Variants in PTCHD1 observed in about 807,000 individuals in gnomAD.
PTCHD1 encodes the protein patched domain-containing protein 1.
In PTCHD1, 3 loss-of-function variants were observed where a neutral mutation model predicts 34.6. That is an observed-to-expected ratio of 0.09 (90% CI 0.04 to 0.22). PTCHD1 has a LOEUF of 0.22. PTCHD1 is among the 10% of genes least tolerant of loss of function. PTCHD1 has a pLI of 1.00. For missense variants in PTCHD1, 504 were observed against 685.5 expected, an observed-to-expected ratio of 0.74 and a Z score of 2.96; for synonymous variants, 305 against 283.1, an observed-to-expected ratio of 1.08 and a Z score of -0.77.
At chrX:23,352,117 A>G (rs1375494053) in intron 1 of PTCHD1, among the ~76,000 whole-genome samples, 1 of 112,101 alleles carries the variant, frequency 8.9e-6, no homozygotes, top group Non-Finnish European at 1.9e-5. Context: ...AGAGAGAGCC[A>G]TGGGCCTTGA....
chrX:23,360,978 C>T lies in PTCHD1; in HGVS notation c.352-18613C>T, dbSNP rs867370150. On this transcript the variant is annotated intron_variant, in intron 1 of 2. Coordinates refer to ENST00000379361, the MANE Select transcript of PTCHD1 (RefSeq NM_173495.3). ...GTGGTTTTGAGTGAGTTTCTTAATCCTGAGTTTTAATTTGATTGCACTGTG... is the reference window on the plus strand; with the variant it reads ...GTGGTTTTGAGTGAGTTTCTTAATCTTGAGTTTTAATTTGATTGCACTGTG... 3.6e-5 allele frequency among the ~76,000 whole-genome samples: 4 copies of T among 112,101 alleles called. No individual in the cohort carries two copies. In the South Asian group the frequency reaches 1.5e-3, roughly 42 times the overall value.
rs972562369 is a variant in PTCHD1 at position 23,394,371 on chromosome X, A to C, written c.*186A>C. 1.6e-4 allele frequency: 63 copies of C among 396,366 alleles called. No homozygotes were observed. The highest frequency in any genetic ancestry group is 2.7e-4 in the Non-Finnish European group (62 of 230,005). The allele number at this position is 396,366 out of a possible 1,213,427, so 32.7% of individuals were successfully genotyped here. On this transcript the variant is annotated 3_prime_UTR_variant, in exon 3 of 3. Coordinates refer to ENST00000379361, the MANE Select transcript of PTCHD1 (RefSeq NM_173495.3). ...TGGGCCTGGCATATTTTCAGTCTTT[A>C]AAACAAAGGAGTTGTTATGAGAATT...
In PTCHD1 at chrX:23,392,628, C is replaced by G. The variant is rs369968343; in HGVS notation, c.1110C>G (p.Asp370Glu). Reference sequence around the variant, plus strand: ...AGAGAACTGCAGCAGTCTATGCAGACTCCATGCTCTCCTTTTCTCTCACCA... The same window carrying G: ...AGAGAACTGCAGCAGTCTATGCAGAGTCCATGCTCTCCTTTTCTCTCACCA... Reference protein sequence around the residue: ...VKERTAAVYADSMLSFSLTTA... With the variant: ...VKERTAAVYAESMLSFSLTTA... The change falls in exon 3 of 3, where the codon GAC becomes GAG. Residue 370 changes from aspartate to glutamate, a missense_variant. Transcript: ENST00000379361. The G allele has an allele frequency of 1.8e-4, 218 of 1,206,681 alleles. No homozygotes were observed. Among genetic ancestry groups the G allele is most frequent in the Non-Finnish European group, 2.3e-4 (204 of 891,823 alleles).
At chrX:23,334,765 T>TCGCCGCCGC (rs1246847185), upstream of PTCHD1, 7 of 165,426 alleles carry the variant, frequency 4.2e-5, no homozygotes, top group Non-Finnish European at 5.5e-5. Context: ...GCCGCCGCCG[T>TCGCCGCCGC]CGCCGCCGCC....
chrX:23,396,691 G>A lies in PTCHD1; in HGVS notation c.*2506G>A, dbSNP rs1385308517. ...TTGATTGAGTCTCTGTATACCCTGG[G>A]ATATTGTATTTTTTAATGAAGGGCA... On this transcript the variant is annotated 3_prime_UTR_variant, in exon 3 of 3. Coordinates refer to ENST00000379361, the MANE Select transcript of PTCHD1 (RefSeq NM_173495.3). 8.9e-6 allele frequency: 1 copy of A among 111,936 alleles called. No homozygotes were observed. Among genetic ancestry groups the A allele is most frequent in the African/African-American group, 3.3e-5 (1 of 30,651 alleles). The allele number at this position is 111,936 out of a possible 1,213,427, so 9.2% of individuals were successfully genotyped here.
In PTCHD1 at chrX:23,402,237, G is replaced by C. The variant is rs1923139699; in HGVS notation, c.*8052G>C. The stretch of plus-strand genomic sequence containing the variant: ...GGTGATAGGCAACATCCATTTAGAA[G>C]AACAGTCACACAAGCAACAGAAGAA... On this transcript the variant is annotated 3_prime_UTR_variant, in exon 3 of 3. Transcript: ENST00000379361. The C allele has an allele frequency of 9.0e-6, 1 of 111,160 alleles. No individual in the cohort carries two copies. Among genetic ancestry groups the C allele is most frequent in the South Asian group, 3.8e-4 (1 of 2,631 alleles). 9.2% of individuals were successfully genotyped at this position (111,160 alleles called of 1,213,427 possible). A position where few individuals can be genotyped will look rare whatever the true frequency, so the allele number is the denominator to read the frequency against.
rs1347894698 is a variant in PTCHD1, at chrX:23,395,409, G to A, written c.*1224G>A. On this transcript the variant is annotated 3_prime_UTR_variant, in exon 3 of 3. Coordinates refer to ENST00000379361, the MANE Select transcript of PTCHD1 (RefSeq NM_173495.3). ...CAGGGAGATAAAGGGCCAAAAGGGA[G>A]ATAGATGGAAAACACTGGAAAAAGT... The A allele has an allele frequency of 8.9e-6, 1 of 111,792 alleles. No individual in the cohort carries two copies. The highest frequency in any genetic ancestry group is 2.8e-4 in the East Asian group (1 of 3,569). 9.2% of individuals were successfully genotyped at this position (111,792 alleles called of 1,213,427 possible).
rs892267587 is a variant in PTCHD1, at chrX:23,396,682, A to T, written c.*2497A>T. 8.9e-6 allele frequency: 1 copy of T among 112,062 alleles called. No homozygotes were observed. Among genetic ancestry groups the T allele is most frequent in the African/African-American group, 3.3e-5 (1 of 30,723 alleles). The allele number at this position is 112,062 out of a possible 1,213,427, so 9.2% of individuals were successfully genotyped here. ...TTTTCCAACTTGATTGAGTCTCTGT[A>T]TACCCTGGGATATTGTATTTTTTAA... On this transcript the variant is annotated 3_prime_UTR_variant, in exon 3 of 3. Coordinates refer to ENST00000379361, the MANE Select transcript of PTCHD1 (RefSeq NM_173495.3).
rs1923184843 is a variant in PTCHD1 at position 23,404,161 on chromosome X, ATAT to A, written c.*9979_*9981del. 8.9e-6 allele frequency: 1 copy of A among 112,611 alleles called. No individual in the cohort carries two copies. The highest frequency in any genetic ancestry group is 3.7e-4 in the South Asian group (1 of 2,729). 9.3% of individuals were successfully genotyped at this position (112,611 alleles called of 1,213,427 possible). On this transcript the variant is annotated 3_prime_UTR_variant, in exon 3 of 3. Coordinates refer to ENST00000379361, the MANE Select transcript of PTCHD1 (RefSeq NM_173495.3). ...GGAGTCCTTAGTTGACTATCTTTTC[ATAT>A]TAAAATCCCATCTTCCAATGAAGCA...
At chrX:23,344,757 G>A (rs1601902632) in intron 1 of PTCHD1, among the ~76,000 whole-genome samples, 1 of 111,588 alleles carries the variant, frequency 9.0e-6, no homozygotes, top group East Asian at 2.8e-4. Flanking sequence ...CACAAAAAAA[G>A]CCTTCACTTC....
At chrX:23,386,986 T>C (rs1452142162) in intron 2 of PTCHD1, among the ~76,000 whole-genome samples, 1 of 112,002 alleles carries the variant, frequency 8.9e-6, no homozygotes, top group Non-Finnish European at 1.9e-5. Flanking sequence ...CAGCGGCATC[T>C]CTCAGCTGCT....
At chrX:23,347,871 A>C (rs1287239496) in intron 1 of PTCHD1, among the ~76,000 whole-genome samples, 2 of 111,423 alleles carry the variant, frequency 1.8e-5, no homozygotes, top group Non-Finnish European at 3.8e-5. Flanking sequence ...TTAACAGGGC[A>C]TGGTGGTACA....
At chrX:23,355,739 G>T (rs111749989) in intron 1 of PTCHD1, among the ~76,000 whole-genome samples, 1,720 of 112,418 alleles carry the variant, frequency 0.015, 41 homozygotes, top group African/African-American at 0.052. Context: ...TTTAAATTGA[G>T]TCTGGTAAAG....
rs1199089597 is a variant in PTCHD1, at chrX:23,380,205, T to C, written c.966T>C (p.Gly322=). The C allele has an allele frequency of 1.7e-6, 2 of 1,209,356 alleles. No homozygotes were observed. Among genetic ancestry groups the C allele is most frequent in the African/African-American group, 1.8e-5 (1 of 57,138 alleles). ...LTAAGIINLT[G]GKYNSTFLGV... ...CAGCCGGGATCATCAATCTTACTGG[T>C]GGGAAATATAATTCCACCTTCCTGG... Residue 322 remains glycine, a synonymous_variant, in exon 2 of 3, where the codon GGT becomes GGC. Coordinates refer to ENST00000379361, the MANE Select transcript of PTCHD1 (RefSeq NM_173495.3).
chrX:23,353,739 A>T (rs1601905552), intron 1 of PTCHD1, among the ~76,000 whole-genome samples: 1 of 112,569 alleles, frequency 8.9e-6, no homozygotes, highest in African/African-American at 3.2e-5. Context: ...AAAGCAGAGG[A>T]AAGACAGATT....
intron 1 of PTCHD1, among the ~76,000 whole-genome samples, chrX:23,339,786 A>G (rs964830634): frequency 6.2e-5 from 7 of 112,853 alleles, no homozygotes; most frequent in Admixed American, 4.7e-4. Context: ...AAAAGATTAT[A>G]AACACAACAA....
chrX:23,399,051 A>C lies in PTCHD1; in HGVS notation c.*4866A>C, dbSNP rs766233975. ...AGTACAAAAAAAAGCGATGTGTACC[A>C]AGGAGAAAACCAGCAGAGAAAGCTT... On this transcript the variant is annotated 3_prime_UTR_variant, in exon 3 of 3. Coordinates refer to ENST00000379361, the MANE Select transcript of PTCHD1 (RefSeq NM_173495.3). 8.9e-4 allele frequency: 99 copies of C among 111,402 alleles called. No individual in the cohort carries two copies. The highest frequency in any genetic ancestry group is 3.2e-3 in the African/African-American group (97 of 30,630). The allele number at this position is 111,402 out of a possible 1,213,427, so 9.2% of individuals were successfully genotyped here.
At position 23,393,920 on chromosome X, in the gene PTCHD1, G is replaced by C; in HGVS notation, c.2402G>C (p.Ser801Thr). ...LEVHGVAILQ[S>T]YLCYIVGLIP... is the part of the protein sequence containing the mutation. ...GTGCATGGGGTAGCTATTTTACAGAGTTACCTCTGCTATATTGTTGGTCTG... is the reference window on the plus strand; with the variant it reads ...GTGCATGGGGTAGCTATTTTACAGACTTACCTCTGCTATATTGTTGGTCTG... Residue 801 changes from serine to threonine, a missense_variant, in exon 3 of 3, where the codon AGT becomes ACT. Transcript: ENST00000379361. The C allele has an allele frequency of 1.7e-6, 2 of 1,211,260 alleles. No homozygotes were observed. The highest frequency in any genetic ancestry group is 2.2e-6 in the Non-Finnish European group (2 of 895,238).
At chrX:23,349,739 C>T (rs144993256) in intron 1 of PTCHD1, among the ~76,000 whole-genome samples, 1,838 of 111,303 alleles carry the variant, frequency 0.017, 34 homozygotes, top group African/African-American at 0.056. Context: ...CAACATTCCT[C>T]TGTCAGTAAT....
Sources: gnomAD v4.1 joint callset for allele counts (sites outside exome capture counted in the v4.1 genomes callset) on GRCh38, gnomAD v4.1.1 for gene constraint, MANE v1.5 for transcripts, NCBI Gene and HGNC (gene_info 2026-07-23, HGNC 2026-07-21) for gene names.